FAT4: variants seen among roughly 807,000 people sequenced by gnomAD.
The protein encoded by FAT4 is protocadherin Fat 4.
In FAT4, 84 loss-of-function variants were observed where a neutral mutation model predicts 303.9. That is an observed-to-expected ratio of 0.28 (90% CI 0.23 to 0.33). The LOEUF (loss-of-function observed/expected upper bound fraction) is 0.33, where lower values mean the gene tolerates loss of function less well. Ranked by LOEUF, FAT4 falls within the 10% of genes least tolerant of loss-of-function variation. The pLI is 1.00. For synonymous variants in FAT4, 2,307 were observed against 2,298.8 expected, an observed-to-expected ratio of 1.00 and a Z score of -0.10; for missense variants, 6,005 against 6,146.8, an observed-to-expected ratio of 0.98 and a Z score of 0.77.
chr4:125,416,300 G>A (rs1444999271), intron 6 of FAT4, 148 bp from the exon 7 acceptor site: 1 of 701,798 alleles, frequency 1.4e-6, no homozygotes, highest in Non-Finnish European at 2.4e-6. Context: ...ACTATAGTGT[G>A]CCATTTTTAT....
Position 125,316,472 on chromosome 4 carries a change from G to A in FAT4, c.61G>A (p.Val21Ile), listed in dbSNP as rs1730593999. ...GTGGCTCCCGTTGCACACTCTATCA[G>A]TATCTCAGCTCCTTCGAGTGTTTTG... ...RPWLPLHTLS[V>I]SQLLRVFWLL... The change falls in exon 2 of 18, where the codon GTA becomes ATA. Residue 21 changes from valine (V) to isoleucine (I), a missense_variant. Coordinates refer to ENST00000394329, the MANE Select transcript of FAT4 (RefSeq NM_001291303.3). The surrounding 1 kb of genome is among the most constrained non-coding windows in gnomAD (Gnocchi z 5.7). 3 of 1,613,864 alleles carry A rather than the reference G, an allele frequency of 1.9e-6. No homozygotes were observed. Among genetic ancestry groups the A allele is most frequent in the Non-Finnish European group, 2.5e-6 (3 of 1,180,018 alleles).
At chr4:125,377,615 A>C (rs1191835365) in intron 2 of FAT4, among the ~76,000 whole-genome samples, 2 of 152,118 alleles carry the variant, frequency 1.3e-5, no homozygotes, top group Non-Finnish European at 2.9e-5. Flanking sequence ...AGAATCATGC[A>C]CATTTTAATA....
At chr4:125,411,245 C>T (rs1246118812) in intron 5 of FAT4, among the ~76,000 whole-genome samples, 1 of 151,906 alleles carries the variant, frequency 6.6e-6, no homozygotes, top group Non-Finnish European at 1.5e-5. Context: ...ATGATGATTT[C>T]ATAAACATAA....
At chr4:125,376,055 G>A (rs958234723) in intron 2 of FAT4, among the ~76,000 whole-genome samples, 1 of 152,180 alleles carries the variant, frequency 6.6e-6, no homozygotes, top group African/African-American at 2.4e-5. Flanking sequence ...GTAATGGAGA[G>A]CTTAATTTCA....
intron 2 of FAT4, among the ~76,000 whole-genome samples, chr4:125,350,565 G>A (rs1381781346): frequency 2.0e-5 from 3 of 151,672 alleles, no homozygotes; most frequent in Admixed American, 6.6e-5. Flanking sequence ...CTTCAGAGTT[G>A]GTAGATTTTG....
rs937564453 is a variant in FAT4 at position 125,492,835 on chromosome 4, T to C, written c.*1067T>C. 1 of 152,598 alleles carries C rather than the reference T, an allele frequency of 6.6e-6. No homozygotes were observed. Among genetic ancestry groups the C allele is most frequent in the Non-Finnish European group, 1.5e-5 (1 of 68,026 alleles). 9.5% of individuals were successfully genotyped at this position (152,598 alleles called of 1,614,324 possible). A position where few individuals can be genotyped will look rare whatever the true frequency, so the allele number is the denominator to read the frequency against. On this transcript the variant is annotated 3_prime_UTR_variant, in exon 18 of 18. Coordinates refer to ENST00000394329, the MANE Select transcript of FAT4 (RefSeq NM_001291303.3). ...ATACTTTTTTTATATTTGTTACTTA[T>C]GTAACATTCATATTTTTCTCATTTT...
intron 16 of FAT4, among the ~76,000 whole-genome samples, chr4:125,485,783 T>TA (rs1314427095): frequency 1.2e-4 from 19 of 152,310 alleles, no homozygotes; most frequent in Admixed American, 8.5e-4. Context: ...GGCAGCTCAG[T>TA]AGGCTTGCTT....
intron 2 of FAT4, among the ~76,000 whole-genome samples, chr4:125,342,715 T>A (rs1731845373): frequency 7.2e-6 from 1 of 139,324 alleles, no homozygotes; most frequent in Admixed American, 6.9e-5. Context: ...TTGAATTTTA[T>A]TTTTTTATTA....
intron 10 of FAT4, among the ~76,000 whole-genome samples, chr4:125,462,127 G>A (rs79750101): frequency 0.025 from 3,785 of 151,992 alleles, 162 homozygotes; most frequent in African/African-American, 0.088. Flanking sequence ...TTATGATTCT[G>A]TGATGTACAG....
intron 5 of FAT4, among the ~76,000 whole-genome samples, chr4:125,414,303 G>A (rs1226020447): frequency 2.0e-5 from 3 of 152,022 alleles, no homozygotes; most frequent in Non-Finnish European, 4.4e-5. Flanking sequence ...TATTTGGAAA[G>A]TTTTATGTAT....
chr4:125,347,084 A>C (rs556315890), intron 2 of FAT4, among the ~76,000 whole-genome samples: 1 of 152,076 alleles, frequency 6.6e-6, no homozygotes, highest in East Asian at 1.9e-4. Flanking sequence ...GCCATATGAA[A>C]GCATCAGCCT....
At position 125,449,906 on chromosome 4, in the gene FAT4, A is replaced by G. The variant is rs370193052; in HGVS notation, c.8896A>G (p.Ile2966Val). The G allele has an allele frequency of 6.2e-7, 1 of 1,613,944 alleles. No homozygotes were observed. Among genetic ancestry groups the G allele is most frequent in the Non-Finnish European group, 8.5e-7 (1 of 1,179,936 alleles). ...TTCAGATCGAGGTAAACCTTCCTTA[A>G]TTAGTGAGACAACAGTTACCATCAA... is the stretch of plus-strand genomic sequence containing the variant. ...TSSDRGKPSL[I>V]SETTVTINIV... The change falls in exon 10 of 18, where the codon ATT (isoleucine) becomes GTT (valine). Residue 2966 changes from isoleucine (I) to valine (V), a missense_variant. Coordinates refer to ENST00000394329, the MANE Select transcript of FAT4 (RefSeq NM_001291303.3).
intron 17 of FAT4, among the ~76,000 whole-genome samples, chr4:125,488,538 G>C (rs1484560838): frequency 6.6e-6 from 1 of 152,096 alleles, no homozygotes; most frequent in Non-Finnish European, 1.5e-5. Context: ...AAATATTCTG[G>C]GAACTAAAAT....
intron 2 of FAT4, among the ~76,000 whole-genome samples, chr4:125,343,088 G>A (rs1480376238): frequency 2.0e-5 from 3 of 151,954 alleles, no homozygotes; most frequent in African/African-American, 4.8e-5. Flanking sequence ...AATCATTTAC[G>A]CTTTTAAAAT....
intron 17 of FAT4, among the ~76,000 whole-genome samples, chr4:125,488,340 A>T (rs1451146395): frequency 6.6e-6 from 1 of 152,174 alleles, no homozygotes; most frequent in African/African-American, 2.4e-5. Context: ...AGTAATTGAA[A>T]ACTTTAATCA....
chr4:125,434,339 A>G lies in FAT4; in HGVS notation c.7113A>G (p.Thr2371=). ...CATTTGCCAGTAAAGCGTATTTCAC[A>G]ACAATTCCTGAGGATGCACCAACTG... is the stretch of plus-strand genomic sequence containing the variant. ...VPTFASKAYF[T]TIPEDAPTGT... is the part of the protein sequence containing the mutation. The change falls in exon 8 of 18, where the codon ACA becomes ACG. Residue 2371 remains threonine, a synonymous_variant. Coordinates refer to ENST00000394329, the MANE Select transcript of FAT4 (RefSeq NM_001291303.3). 1 of 1,614,104 alleles carries G rather than the reference A, an allele frequency of 6.2e-7. No individual in the cohort carries two copies. The highest frequency in any genetic ancestry group is 8.5e-7 in the Non-Finnish European group (1 of 1,179,972).
intron 2 of FAT4, among the ~76,000 whole-genome samples, chr4:125,365,802 T>C (rs1236459269): frequency 6.6e-6 from 1 of 152,224 alleles, no homozygotes; most frequent in African/African-American, 2.4e-5. Flanking sequence ...TTTATAGATT[T>C]AACTTTTATT....
intron 2 of FAT4, among the ~76,000 whole-genome samples, chr4:125,382,488 C>T (rs1029049444): frequency 2.0e-5 from 3 of 152,154 alleles, no homozygotes; most frequent in Non-Finnish European, 2.9e-5. Context: ...TTGTCAACAG[C>T]GGGCTTAAGA....
At chr4:125,466,659 ATC>A (rs532590395) in intron 11 of FAT4, among the ~76,000 whole-genome samples, 5 of 150,784 alleles carry the variant, frequency 3.3e-5, no homozygotes, top group Admixed American at 6.6e-5. Context: ...ATAAAATATT[ATC>A]TCTATATATC....
Sources: gnomAD v4.1 joint callset for allele counts (sites outside exome capture counted in the v4.1 genomes callset) on GRCh38, gnomAD v4.1.1 for gene constraint, Gnocchi (gnomAD v3.1) non-coding constraint, MANE v1.5 for transcripts, NCBI Gene and HGNC (gene_info 2026-07-23, HGNC 2026-07-21) for gene names.